CEP89: variants seen among roughly 807,000 people sequenced by gnomAD.
CEP89 encodes centrosomal protein of 89 kDa.
In CEP89, 95 loss-of-function variants were observed where a neutral mutation model predicts 97.6. The observed-to-expected ratio is 0.97, with a 90% CI of 0.82 to 1.15. The LOEUF is 1.15. Ranked by LOEUF, CEP89 falls within the 50% of genes most tolerant of loss-of-function variation. The pLI, the probability that CEP89 is intolerant of heterozygous loss-of-function variation, is 0.00. For missense variants in CEP89, 869 were observed against 947.7 expected (o/e 0.92, Z 1.09); for synonymous variants, 354 against 349.1 (o/e 1.01, Z -0.16).
rs943256453 is a variant in CEP89 at position 32,878,979 on chromosome 19, T to TAAA, written c.*180_*182dup. 9.1e-6 allele frequency: 4 copies of TAAA among 441,150 alleles called. No individual in the cohort carries two copies. The highest frequency in any genetic ancestry group is 1.6e-5 in the Non-Finnish European group (4 of 252,618). 27.3% of individuals were successfully genotyped at this position (441,150 alleles called of 1,614,324 possible). Reference sequence around the variant, plus strand: ...CCTAGCTCTAAAAAAAAAAAAAAATTAAAAAATAAAGCAAAATGTTATCAA... The same window carrying TAAA: ...CCTAGCTCTAAAAAAAAAAAAAAATTAAAAAAAAATAAAGCAAAATGTTATCAA... On this transcript the variant is annotated 3_prime_UTR_variant, in exon 19 of 19. Coordinates refer to ENST00000305768, the MANE Select transcript of CEP89 (RefSeq NM_032816.5).
chr19:32,910,718 G>C (rs937706178), intron 14 of CEP89, among the ~76,000 whole-genome samples: 2 of 151,920 alleles, frequency 1.3e-5, no homozygotes, highest in Admixed American at 1.3e-4. Flanking sequence ...AAGAACAAAT[G>C]CCACAGGAGC....
intron 12 of CEP89, among the ~76,000 whole-genome samples, chr19:32,921,706 C>T (rs575656654): frequency 5.3e-5 from 8 of 152,128 alleles, no homozygotes; most frequent in Non-Finnish European, 1.0e-4. Flanking sequence ...AAGCTGCTTT[C>T]CAGTCCACTG....
intron 11 of CEP89, among the ~76,000 whole-genome samples, chr19:32,924,286 T>C (rs1045427356): frequency 1.5e-4 from 23 of 152,166 alleles, no homozygotes; most frequent in Non-Finnish European, 2.6e-4. Flanking sequence ...AGTCACCACA[T>C]CCAGCCAAGG....
At chr19:32,923,598 T>C in intron 11 of CEP89, 56 bp from the exon 12 acceptor site, 1 of 1,107,404 alleles carries the variant, frequency 9.0e-7, no homozygotes, top group Non-Finnish European at 1.4e-6. Context: ...TCTATATTTC[T>C]CAGTTCTGGT....
rs747145104 is a variant in CEP89 at position 32,918,346 on chromosome 19, T to C, written c.1269-7A>G. 6 of 1,598,868 alleles carry C rather than the reference T, an allele frequency of 3.8e-6. No individual in the cohort carries two copies. The highest frequency in any genetic ancestry group is 3.3e-5 in the Admixed American group (2 of 59,968). On this transcript the variant is annotated splice_region_variant and splice_polypyrimidine_tract_variant and intron_variant, in intron 12 of 18. Coordinates refer to ENST00000305768, the MANE Select transcript of CEP89 (RefSeq NM_032816.5). ...TTGAGTCTGAAGCTGACGCCTGCAATTGATTTACAAGATGAAATACTGTGA... is the reference window on the plus strand; with the variant it reads ...TTGAGTCTGAAGCTGACGCCTGCAACTGATTTACAAGATGAAATACTGTGA...
rs1970521585 is a variant in CEP89 at position 32,933,606 on chromosome 19, T to C, written c.731A>G (p.Lys244Arg). 1.2e-6 allele frequency: 2 copies of C among 1,613,748 alleles called. No individual in the cohort carries two copies. The highest frequency in any genetic ancestry group is 2.7e-5 in the African/African-American group (2 of 75,056). ...ATTGTTTAGGTCCATATTTTCTTCT[T>C]TTAATGCCTCAAACTTTTCTCTGGT... Reference protein sequence around the residue: ...EITREKFEALKEENMDLNNMN... With the variant: ...EITREKFEALREENMDLNNMN... The change falls in exon 8 of 19, where the codon AAA becomes AGA. Residue 244 changes from lysine to arginine, a missense_variant. By Grantham distance (26) the Lys-to-Arg change is conservative. Transcript: ENST00000305768.
At chr19:32,954,534 G>A (rs151153417) in intron 3 of CEP89, among the ~76,000 whole-genome samples, 1 of 151,470 alleles carries the variant, frequency 6.6e-6, no homozygotes, top group East Asian at 2.0e-4. Flanking sequence ...TGTATTTTTT[G>A]TAGAGACGGG....
chr19:32,911,947 G>A (rs950065625), intron 14 of CEP89, among the ~76,000 whole-genome samples: 2 of 151,972 alleles, frequency 1.3e-5, no homozygotes, highest in Non-Finnish European at 2.9e-5. Flanking sequence ...CATACAAAAG[G>A]CCAGGCTGGT....
intron 12 of CEP89, among the ~76,000 whole-genome samples, chr19:32,918,934 G>A (rs1568559902): frequency 1.4e-5 from 2 of 144,858 alleles, no homozygotes; most frequent in Non-Finnish European, 3.0e-5. Context: ...GCCCAGGCTG[G>A]AGTGCAGTGG....
chr19:32,967,729 C>T (rs1034425328), intron 1 of CEP89, among the ~76,000 whole-genome samples: 13 of 152,228 alleles, frequency 8.5e-5, no homozygotes, highest in South Asian at 4.1e-4. Context: ...GGAAATGTGA[C>T]GGAACAGCAT....
At chr19:32,930,737 G>A (rs560939675) in intron 9 of CEP89, among the ~76,000 whole-genome samples, 1 of 152,322 alleles carries the variant, frequency 6.6e-6, no homozygotes, top group South Asian at 2.1e-4. Flanking sequence ...TGCTCAGTGA[G>A]AGTGTGTGGA....
At chr19:32,967,583 C>A (rs918084943) in intron 1 of CEP89, among the ~76,000 whole-genome samples, 3 of 147,566 alleles carry the variant, frequency 2.0e-5, no homozygotes, top group African/African-American at 7.4e-5. Flanking sequence ...GTAATTAGCA[C>A]AAAGTGCTGG....
In CEP89 at chr19:32,935,825, C is replaced by T. The variant is rs1053403100; in HGVS notation, c.667+1806G>A. ...CAAGCCCGGCTGCAGACCCGAGAAT[C>T]TCTGTGTTCTTGGGGGCCCAAGAAG... On this transcript the variant is annotated intron_variant, in intron 7 of 18. Transcript: ENST00000305768. Among the ~76,000 whole-genome samples, 10 of 152,090 alleles carry T rather than the reference C, an allele frequency of 6.6e-5. 1 individual carries two copies. The highest frequency in any genetic ancestry group is 5.9e-4 in the Admixed American group (9 of 15,276).
intron 7 of CEP89, chr19:32,937,112 A>C (rs2145935855): frequency 6.5e-6 from 1 of 154,474 alleles, no homozygotes; most frequent in South Asian, 2.0e-4. Flanking sequence ...TCTTGTAACA[A>C]TGTGGGACCT....
intron 14 of CEP89, among the ~76,000 whole-genome samples, chr19:32,903,819 A>G (rs1372002790): frequency 2.0e-5 from 3 of 152,212 alleles, no homozygotes; most frequent in African/African-American, 7.2e-5. Flanking sequence ...TTGATGAAAA[A>G]TACACACTGA....
At chr19:32,966,518 T>A in intron 1 of CEP89, 52 bp from the exon 2 acceptor site, 1 of 1,158,256 alleles carries the variant, frequency 8.6e-7, no homozygotes, top group Non-Finnish European at 1.2e-6. Context: ...CTGGATCACC[T>A]GAGTCTTGTC....
chr19:32,913,339 T>C (rs1454294162), intron 14 of CEP89, among the ~76,000 whole-genome samples: 1 of 143,836 alleles, frequency 7.0e-6, no homozygotes, highest in Admixed American at 7.2e-5. Flanking sequence ...TTGTTGTTGT[T>C]GTTTCACAAT....
In CEP89 at chr19:32,917,724, C is replaced by G. The variant is rs949872844; in HGVS notation, c.1384+500G>C. On this transcript the variant is annotated intron_variant, in intron 13 of 18. Transcript: ENST00000305768. The stretch of plus-strand genomic sequence containing the variant: ...GAGGCTCCTAGGGGTTGGGGGAATG[C>G]ATGGGAAGAGATGGGAAGAGGGACA... 41 of 867,836 alleles carry G rather than the reference C, an allele frequency of 4.7e-5. No individual in the cohort carries two copies. The African/African-American group carries it at 7.1e-4, about 15-fold the overall frequency. 53.8% of individuals were successfully genotyped at this position (867,836 alleles called of 1,614,324 possible).
At chr19:32,924,764 T>C (rs1970321171) in intron 11 of CEP89, among the ~76,000 whole-genome samples, 1 of 152,146 alleles carries the variant, frequency 6.6e-6, no homozygotes, top group Admixed American at 6.5e-5. Flanking sequence ...TAAAGTTTTA[T>C]TTATTTATAA....
Sources: allele counts gnomAD v4.1 joint callset (sites outside exome capture counted in the v4.1 genomes callset), GRCh38; gene constraint gnomAD v4.1.1; transcripts MANE v1.5; gene names NCBI Gene and HGNC (gene_info 2026-07-23, HGNC 2026-07-21).